Variants in MAP4K4 observed in about 807,000 individuals in gnomAD.
The protein encoded by MAP4K4 is HPK/GCK-like kinase HGK.
Under a neutral mutation model 189.6 loss-of-function variants are expected in MAP4K4, and 38 were observed. That is an observed-to-expected ratio of 0.20 (90% confidence interval 0.15 to 0.26). The LOEUF (loss-of-function observed/expected upper bound fraction) is 0.26, where lower values mean the gene tolerates loss of function less well. Among genes scored for constraint, MAP4K4 ranks in the 10% least tolerant of loss-of-function variants. The pLI is 1.00. For synonymous variants in MAP4K4, 610 were observed against 624.3 expected (o/e 0.98, Z 0.34); for missense variants, 1,054 against 1,726.9 (o/e 0.61, Z 6.91).
At chr2:101,891,607 A>C in exon 33 of MAP4K4, 1 of 179,426 alleles carries the variant, frequency 5.6e-6, no homozygotes, top group Non-Finnish European at 1.2e-5. Context: ...TGGGTGTCTG[A>C]CAGTGGCGAC....
chr2:101,874,954 TGTTA>T (rs916176956), intron 26 of MAP4K4, among the ~76,000 whole-genome samples: 2 of 152,242 alleles, frequency 1.3e-5, no homozygotes, highest in African/African-American at 2.4e-5. Context: ...GATGTTTATA[TGTTA>T]GTTTTTAGAA....
At chr2:101,783,948 A>G (rs1439089535) in intron 2 of MAP4K4, among the ~76,000 whole-genome samples, 1 of 152,166 alleles carries the variant, frequency 6.6e-6, no homozygotes, top group Non-Finnish European at 1.5e-5. Context: ...GGGGGGATTC[A>G]TTGTGCTCAC....
In MAP4K4 at chr2:101,864,917, T is replaced by A; in HGVS notation, c.2098-13T>A. ...GTTTTCAATAATTTAATTGCTATAT[T>A]TTCTACTTAAAGGTTCCTGTGAGAA... On this transcript the variant is annotated splice_polypyrimidine_tract_variant and intron_variant, in intron 17 of 32. Coordinates refer to ENST00000324219, the Ensembl canonical transcript of MAP4K4. 3 of 1,500,962 alleles carry A rather than the reference T, an allele frequency of 2.0e-6. No individual in the cohort carries two copies. Among genetic ancestry groups the A allele is most frequent in the Non-Finnish European group, 2.7e-6 (3 of 1,109,136 alleles). 93.0% of individuals were successfully genotyped at this position (1,500,962 alleles called of 1,614,324 possible). A position where few individuals can be genotyped will look rare whatever the true frequency, so the allele number is the denominator to read the frequency against.
chr2:101,847,035 G>A (rs766478633), intron 12 of MAP4K4, among the ~76,000 whole-genome samples: 2 of 152,188 alleles, frequency 1.3e-5, no homozygotes, highest in Non-Finnish European at 2.9e-5. Flanking sequence ...ATAGTCATAT[G>A]TTGCATAACA....
rs181142474 is a variant in MAP4K4, at chr2:101,747,263, C to T, written c.124-43457C>T. Among the ~76,000 whole-genome samples, 263 of 152,172 alleles carry T rather than the reference C, an allele frequency of 1.7e-3. 1 individual carries two copies. The highest frequency in any genetic ancestry group is 5.8e-3 in the African/African-American group (239 of 41,530). On this transcript the variant is annotated intron_variant, in intron 2 of 32. Transcript: ENST00000324219. ...CCTCTTGAGTGGCTGGGATTATAGG[C>T]ACCTGATACCAGGCCCGGCTAATTT...
intron 28 of MAP4K4, among the ~76,000 whole-genome samples, chr2:101,884,446 A>G (rs879886857): frequency 3.9e-5 from 6 of 152,218 alleles, no homozygotes; most frequent in Non-Finnish European, 8.8e-5. Context: ...GTGGTAATAT[A>G]TAGAGTTTAA....
intron 5 of MAP4K4, among the ~76,000 whole-genome samples, chr2:101,826,179 G>A (rs1465713202): frequency 1.3e-5 from 2 of 151,972 alleles, no homozygotes; most frequent in Non-Finnish European, 2.9e-5. Flanking sequence ...AAAAGATTAT[G>A]AAGTTAAATT....
At chr2:101,712,320 G>A (rs1198296747) in intron 2 of MAP4K4, among the ~76,000 whole-genome samples, 4 of 151,526 alleles carry the variant, frequency 2.6e-5, no homozygotes, top group Non-Finnish European at 4.4e-5. Context: ...TCAGCCTCCC[G>A]AGTAGCTGGG....
intron 6 of MAP4K4, 197 bp downstream of exon 6, chr2:101,829,791 C>T (rs898981988): frequency 1.9e-6 from 1 of 517,058 alleles, no homozygotes; most frequent in Non-Finnish European, 3.5e-6. Context: ...GCCCCCCTGC[C>T]CCCTGGTTCT....
chr2:101,740,165 T>TA (rs1283149313), intron 2 of MAP4K4, among the ~76,000 whole-genome samples: 5 of 98,680 alleles, frequency 5.1e-5, no homozygotes, highest in Admixed American at 1.8e-4. Flanking sequence ...TTTTTTTTTT[T>TA]TTTTTTGAGA....
chr2:101,768,374 G>C (rs2079667687), intron 2 of MAP4K4, among the ~76,000 whole-genome samples: 1 of 152,180 alleles, frequency 6.6e-6, no homozygotes, highest in South Asian at 2.1e-4. Flanking sequence ...TACATTGTTG[G>C]ATTAGAGAAG....
intron 19 of MAP4K4, among the ~76,000 whole-genome samples, 163 bp from the exon 20 acceptor site, chr2:101,867,049 G>T (rs769836565): frequency 8.6e-5 from 13 of 151,888 alleles, no homozygotes; most frequent in Non-Finnish European, 1.6e-4. Context: ...GAAGGCTGCT[G>T]GAGCCCTCCT....
intron 2 of MAP4K4, among the ~76,000 whole-genome samples, chr2:101,710,957 C>A (rs1236593055): frequency 6.6e-6 from 1 of 152,214 alleles, no homozygotes. Context: ...CCTCCTACAT[C>A]TGCACTGTTT....
intron 3 of MAP4K4, among the ~76,000 whole-genome samples, chr2:101,792,880 C>G (rs975762157): frequency 6.6e-6 from 1 of 152,104 alleles, no homozygotes; most frequent in East Asian, 1.9e-4. Flanking sequence ...GCAATTCACC[C>G]GCCTCAGCCT....
chr2:101,716,269 C>T (rs569716562), intron 2 of MAP4K4, among the ~76,000 whole-genome samples: 145 of 152,194 alleles, frequency 9.5e-4, no homozygotes, highest in African/African-American at 3.4e-3. Context: ...CGGTGAAACG[C>T]CGTCTCTACT....
intron 5 of MAP4K4, among the ~76,000 whole-genome samples, chr2:101,826,354 A>AT (rs1039456049): frequency 6.6e-5 from 10 of 151,702 alleles, no homozygotes; most frequent in South Asian, 2.1e-4. Context: ...GAAATGTTTA[A>AT]TTTTTTTTTA....
intron 3 of MAP4K4, among the ~76,000 whole-genome samples, chr2:101,792,124 A>G (rs2092975146): frequency 6.6e-6 from 1 of 152,200 alleles, no homozygotes; most frequent in African/African-American, 2.4e-5. Context: ...TAGTTGAGCT[A>G]TTTATGAAGT....
At chr2:101,844,584 A>G (rs189788784) in intron 12 of MAP4K4, among the ~76,000 whole-genome samples, 9 of 152,328 alleles carry the variant, frequency 5.9e-5, no homozygotes, top group Middle Eastern at 3.4e-3. Context: ...ATGCAGAGCA[A>G]GTGTCCCAAA....
intron 4 of MAP4K4, among the ~76,000 whole-genome samples, chr2:101,824,873 C>G (rs60397745): frequency 1.3e-5 from 2 of 151,972 alleles, no homozygotes; most frequent in Non-Finnish European, 2.9e-5. Context: ...CTTAAAAATA[C>G]CATTTTTTAT....
Sources: allele counts gnomAD v4.1 joint callset (sites outside exome capture counted in the v4.1 genomes callset), GRCh38; gene constraint gnomAD v4.1.1; transcripts MANE v1.5; gene names NCBI Gene and HGNC (gene_info 2026-07-23, HGNC 2026-07-21).